The following KLHL20 variants were observed in gnomAD, a reference collection of about 807,000 sequenced individuals.
KLHL20 encodes the protein kelch-like protein 20.
Under a neutral mutation model 69.5 loss-of-function variants are expected in KLHL20, and 29 were observed. That is an observed-to-expected ratio of 0.42 (90% confidence interval 0.31 to 0.57). The LOEUF (loss-of-function observed/expected upper bound fraction) is 0.57. Among genes scored for constraint, KLHL20 ranks in the 20% least tolerant of loss-of-function variants. The probability of loss-of-function intolerance (pLI) is 0.18; values close to 1 mark genes in which losing one functional copy is unlikely to be tolerated. For synonymous variants in KLHL20, 253 were observed against 265.2 expected (o/e 0.95, Z 0.45); for missense variants, 419 against 776.0 (o/e 0.54, Z 5.47).
At position 173,736,897 on chromosome 1, in the gene KLHL20, A is replaced by G. The variant is rs924937874; in HGVS notation, c.597+2611A>G. On this transcript the variant is annotated intron_variant, in intron 3 of 11. Coordinates refer to ENST00000209884, the MANE Select transcript of KLHL20 (RefSeq NM_014458.4). ...AGGCATGAGCCACCGCACCCGGCCT[A>G]TGTTTTTATTTTTTAAATTATGGCC... Among the ~76,000 whole-genome samples, 10 of 152,130 alleles carry G rather than the reference A, an allele frequency of 6.6e-5. No homozygotes were observed. The East Asian group carries it at 1.4e-3, about 21-fold the overall frequency.
intron 2 of KLHL20, among the ~76,000 whole-genome samples, chr1:173,725,403 G>A (rs12082131): frequency 0.34 from 52,334 of 151,968 alleles, 9,873 homozygotes; most frequent in African/African-American, 0.51. Context: ...AGATGATCCA[G>A]TGATCCATTC....
chr1:173,764,438 A>G (rs1346176596), intron 7 of KLHL20, among the ~76,000 whole-genome samples: 2 of 152,248 alleles, frequency 1.3e-5, no homozygotes, highest in Non-Finnish European at 2.9e-5. Flanking sequence ...TGTTTCTAGC[A>G]GCACAATTCA....
intron 3 of KLHL20, among the ~76,000 whole-genome samples, chr1:173,740,953 C>T (rs920822432): frequency 6.6e-6 from 1 of 152,190 alleles, no homozygotes; most frequent in African/African-American, 2.4e-5. Context: ...GAGATAAAGT[C>T]AGAAATGGCT....
intron 2 of KLHL20, among the ~76,000 whole-genome samples, chr1:173,730,503 T>G (rs28860844): frequency 0.073 from 11,022 of 151,794 alleles, 1,316 homozygotes; most frequent in African/African-American, 0.25. Context: ...AACAGCATGG[T>G]ACTGGTACCA....
At chr1:173,734,359 A>C in intron 3 of KLHL20, 73 bp downstream of exon 3, 1 of 1,242,026 alleles carries the variant, frequency 8.1e-7, no homozygotes. Flanking sequence ...GCTAAATAAC[A>C]CTTGCCTGGG....
chr1:173,761,770 G>C (rs1457763965), intron 7 of KLHL20, among the ~76,000 whole-genome samples: 2 of 152,066 alleles, frequency 1.3e-5, no homozygotes, highest in Non-Finnish European at 2.9e-5. Context: ...AGCCCTAAAT[G>C]CCTACATCAA....
chr1:173,764,718 A>C (rs868640919), intron 7 of KLHL20, among the ~76,000 whole-genome samples: 39 of 152,204 alleles, frequency 2.6e-4, no homozygotes, highest in African/African-American at 8.9e-4. Flanking sequence ...GACTTTGGGG[A>C]CTTGGGGGGA....
intron 2 of KLHL20, among the ~76,000 whole-genome samples, chr1:173,716,817 A>C (rs1410792749): frequency 6.6e-6 from 1 of 152,214 alleles, no homozygotes; most frequent in Non-Finnish European, 1.5e-5. Context: ...AAGAGAAGAA[A>C]CATTTTATAA....
intron 3 of KLHL20, among the ~76,000 whole-genome samples, chr1:173,746,143 A>C (rs1305816739): frequency 6.6e-6 from 1 of 152,158 alleles, no homozygotes; most frequent in African/African-American, 2.4e-5. Flanking sequence ...AACATCTTTG[A>C]ATTATTGGCA....
In KLHL20 at chr1:173,785,873, T is replaced by A. The variant is rs1376555448; in HGVS notation, c.*626T>A. 1 of 152,210 alleles carries A rather than the reference T, an allele frequency of 6.6e-6. No individual in the cohort carries two copies. Among genetic ancestry groups the A allele is most frequent in the Non-Finnish European group, 1.5e-5 (1 of 68,018 alleles). The allele number at this position is 152,210 out of a possible 1,614,324, so 9.4% of individuals were successfully genotyped here. A position where few individuals can be genotyped will look rare whatever the true frequency, so the allele number is the denominator to read the frequency against. ...CAGTTTTCATCAGTGTAATTTTATG[T>A]CTTGTTTCTTTCTATATGAACTTGT... On this transcript the variant is annotated 3_prime_UTR_variant, in exon 12 of 12. Transcript: ENST00000209884.
In KLHL20 at chr1:173,785,400, G is replaced by C; in HGVS notation, c.*153G>C. 1 of 408,924 alleles carries C rather than the reference G, an allele frequency of 2.4e-6. No individual in the cohort carries two copies. Among genetic ancestry groups the C allele is most frequent in the Middle Eastern group, 5.2e-4 (1 of 1,934 alleles). The allele number at this position is 408,924 out of a possible 1,614,324, so 25.3% of individuals were successfully genotyped here. Reference sequence around the variant, plus strand: ...ACAATCCAATGAAAGTACTTCACCTGCAAGATGCACAATAATTTTCAACTC... The same window carrying C: ...ACAATCCAATGAAAGTACTTCACCTCCAAGATGCACAATAATTTTCAACTC... On this transcript the variant is annotated 3_prime_UTR_variant, in exon 12 of 12. Coordinates refer to ENST00000209884, the MANE Select transcript of KLHL20 (RefSeq NM_014458.4).
rs776658558 is a variant in KLHL20 at position 173,716,064 on chromosome 1, C to G, written c.21C>G (p.Arg7=). Residue 7 remains arginine, a splice_region_variant and synonymous_variant, in exon 2 of 12, where the codon CGC becomes CGG. Coordinates refer to ENST00000209884, the MANE Select transcript of KLHL20 (RefSeq NM_014458.4). ...GGTGCATGGAAGGAAAGCCAATGCG[C>G]AGGTAGGCATTTAGGAAGAAAACCT... is the stretch of plus-strand genomic sequence containing the variant. MEGKPM[R]RCTNIRPGET... 5 of 1,613,424 alleles carry G rather than the reference C, an allele frequency of 3.1e-6. 1 individual carries two copies. In the South Asian group the frequency reaches 5.5e-5, roughly 18 times the overall value.
At position 173,763,867 on chromosome 1, in the gene KLHL20, A is replaced by T. The variant is rs771519217; in HGVS notation, c.1152-2279A>T. The stretch of plus-strand genomic sequence containing the variant: ...CCAAGAACCCAAAAGCAAATGCAAT[A>T]AAAAAAAAAAAAAAACAGCTGGGAC... On this transcript the variant is annotated intron_variant, in intron 7 of 11. Transcript: ENST00000209884. Among the ~76,000 whole-genome samples the T allele has an allele frequency of 3.5e-3, 196 of 55,632 alleles. 1 individual carries two copies. The highest frequency in any genetic ancestry group is 0.026 in the African/African-American group (126 of 4,812). The allele number at this position is 55,632 out of a possible 152,430, so 36.5% of individuals were successfully genotyped here. A position where few individuals can be genotyped will look rare whatever the true frequency, so the allele number is the denominator to read the frequency against.
chr1:173,753,190 T>C (rs1446185614), intron 4 of KLHL20, 23 bp from the exon 5 acceptor site: 2 of 1,581,266 alleles, frequency 1.3e-6, no homozygotes, highest in South Asian at 1.1e-5. Context: ...TTAATTAAAA[T>C]AATGGTGTTT....
intron 2 of KLHL20, 89 bp from the exon 3 acceptor site, chr1:173,733,624 C>T (rs1571866859): frequency 2.7e-6 from 3 of 1,128,562 alleles, no homozygotes; most frequent in South Asian, 1.6e-5. Context: ...AATTACATTT[C>T]CTTATCGCTT....
chr1:173,727,215 A>G (rs1271296003), intron 2 of KLHL20, among the ~76,000 whole-genome samples: 2 of 152,180 alleles, frequency 1.3e-5, no homozygotes, highest in East Asian at 3.8e-4. Flanking sequence ...TGAAAAAAAA[A>G]AACGAGCAAA....
chr1:173,732,486 T>C (rs1237606935), intron 2 of KLHL20, among the ~76,000 whole-genome samples: 1 of 152,156 alleles, frequency 6.6e-6, no homozygotes, highest in Non-Finnish European at 1.5e-5. Context: ...ACCTGCAGTT[T>C]ACGAGGGGAA....
At chr1:173,748,876 A>G (rs1387725770) in intron 3 of KLHL20, among the ~76,000 whole-genome samples, 1 of 152,136 alleles carries the variant, frequency 6.6e-6, no homozygotes, top group Non-Finnish European at 1.5e-5. Context: ...TGAGCTATAC[A>G]CTTAAAATTT....
At chr1:173,760,831 A>C (rs1372227625) in intron 7 of KLHL20, among the ~76,000 whole-genome samples, 4 of 152,234 alleles carry the variant, frequency 2.6e-5, no homozygotes, top group Non-Finnish European at 5.9e-5. Flanking sequence ...AACACAAAAC[A>C]AAACCAAAGT....
Sources: allele counts gnomAD v4.1 joint callset (sites outside exome capture counted in the v4.1 genomes callset), GRCh38; gene constraint gnomAD v4.1.1; transcripts MANE v1.5; gene names NCBI Gene and HGNC (gene_info 2026-07-23, HGNC 2026-07-21).